The following TLE1 variants were observed in gnomAD, a reference collection of about 807,000 sequenced individuals.
TLE1 encodes transducin-like enhancer protein 1.
In TLE1, 21 loss-of-function variants were observed where a neutral mutation model predicts 89.8. The observed-to-expected ratio is 0.23, with a 90% CI of 0.17 to 0.34. TLE1 has a LOEUF of 0.34. Ranked by LOEUF, TLE1 falls within the 10% of genes least tolerant of loss-of-function variation. The pLI is 1.00. For synonymous variants in TLE1, 447 were observed against 407.6 expected (o/e 1.10, Z -1.16); for missense variants, 795 against 1,031.2 (o/e 0.77, Z 3.14).
rs1198002527 is a variant in TLE1, at chr9:81,687,392, G to C, written c.67C>G (p.Pro23Ala). The stretch of plus-strand genomic sequence containing the variant: ...TCTTTAATCCGGTCCAGGGACTCCG[G>C]GATAGTGAACTTGAAGGGCTGGCCT... ...AAGQPFKFTI[P>A]ESLDRIKEEF... Residue 23 changes from proline to alanine, a missense_variant, in exon 2 of 20, where the codon CCG (proline) becomes GCG (alanine). Pro to Ala is a conservative substitution (Grantham distance 27). This residue lies in a region of TLE1 where 47 missense variants were observed against 48.5 expected (regional missense o/e 0.97). Transcript: ENST00000376499. The C allele has an allele frequency of 1.2e-6, 2 of 1,611,340 alleles. No homozygotes were observed. Among genetic ancestry groups the C allele is most frequent in the African/African-American group, 1.3e-5 (1 of 74,910 alleles).
At chr9:81,609,471 T>G (rs1054366380) in intron 14 of TLE1, among the ~76,000 whole-genome samples, 4 of 152,176 alleles carry the variant, frequency 2.6e-5, no homozygotes, top group Admixed American at 2.6e-4. Context: ...TTTAAAAAAT[T>G]TGAGAACTTT....
intron 14 of TLE1, among the ~76,000 whole-genome samples, chr9:81,598,147 AC>A (rs1303637022): frequency 6.6e-6 from 1 of 152,094 alleles, no homozygotes; most frequent in East Asian, 1.9e-4. Flanking sequence ...CGTGTCAAAA[AC>A]CTTCATTCGC....
chr9:81,616,103 T>A lies in TLE1; in HGVS notation c.797A>T (p.His266Leu), dbSNP rs1317316111. 2 of 1,613,786 alleles carry A rather than the reference T, an allele frequency of 1.2e-6. No individual in the cohort carries two copies. Among genetic ancestry groups the A allele is most frequent in the Non-Finnish European group, 1.7e-6 (2 of 1,179,960 alleles). Residue 266 changes from histidine (H) to leucine (L), a missense_variant, in exon 11 of 20, where the codon CAC becomes CTC. This residue lies in a region of TLE1 where 468 missense variants were observed against 509.1 expected (regional missense o/e 0.92). Coordinates refer to ENST00000376499, the MANE Select transcript of TLE1 (RefSeq NM_005077.5). ...DPSSPRASPA[H>L]SPRENGIDKN... ...GTCGATTCCATTTTCCCGGGGCGAG[T>A]GGGCAGGGCTTGCTCGCGGAGAAGA... is the stretch of plus-strand genomic sequence containing the variant.
intron 5 of TLE1, among the ~76,000 whole-genome samples, 153 bp from the exon 6 acceptor site, chr9:81,652,441 A>C (rs775202869): frequency 7.9e-5 from 12 of 152,184 alleles, no homozygotes; most frequent in Non-Finnish European, 1.3e-4. Context: ...TTCACAGAAC[A>C]TAGATAGGGA....
chr9:81,685,533 A>T, intron 4 of TLE1, 143 bp downstream of exon 4: 1 of 712,480 alleles, frequency 1.4e-6, no homozygotes, highest in South Asian at 1.9e-5. Context: ...GAATACTACC[A>T]TCAATCCACA....
At chr9:81,659,172 T>G (rs1830482736) in intron 4 of TLE1, among the ~76,000 whole-genome samples, 1 of 152,144 alleles carries the variant, frequency 6.6e-6, no homozygotes, top group African/African-American at 2.4e-5. Context: ...CCTCCCAAAG[T>G]GGTGGGATTA....
intron 6 of TLE1, among the ~76,000 whole-genome samples, chr9:81,649,147 C>T (rs1829232449): frequency 1.3e-5 from 2 of 152,168 alleles, no homozygotes; most frequent in African/African-American, 4.8e-5. Context: ...AATAGTCTCT[C>T]CAGTATCAAA....
intron 14 of TLE1, chr9:81,599,837 A>C (rs1298925408): frequency 2.7e-6 from 1 of 374,810 alleles, no homozygotes; most frequent in African/African-American, 2.1e-5. Flanking sequence ...GAAAGTAGCA[A>C]ACTTCAAAGC....
rs1827064368 is a variant in TLE1, at chr9:81,634,146, G to C, written c.528C>G (p.His176Gln). 1 of 1,607,324 alleles carries C rather than the reference G, an allele frequency of 6.2e-7. No individual in the cohort carries two copies. Among genetic ancestry groups the C allele is most frequent in the Non-Finnish European group, 8.5e-7 (1 of 1,176,426 alleles). ...GCTTCTTGTCATCTTTTATTGCCAAGTGAGACTGCCCACTCAGAGCACTAG... is the reference window on the plus strand; with the variant it reads ...GCTTCTTGTCATCTTTTATTGCCAACTGAGACTGCCCACTCAGAGCACTAG... ...ALSSALSGQSHLAIKDDKKHH... is the reference protein window; with the variant it reads ...ALSSALSGQSQLAIKDDKKHH... The change falls in exon 7 of 20, where the codon CAC (histidine) becomes CAG (glutamine). Residue 176 changes from histidine to glutamine, a missense_variant. Coordinates refer to ENST00000376499, the MANE Select transcript of TLE1 (RefSeq NM_005077.5).
rs371936084 is a variant in TLE1 at position 81,662,361 on chromosome 9, T to TTGTGTGTGTGTGTG, written c.235-8339_235-8326dup. ...CGGTGTTAGTATTAGTGTGCCTGTT[T>TTGTGTGTGTGTGTG]TGTGTGTGTGTGTGTGTGTGTGTGT... is the stretch of plus-strand genomic sequence containing the variant. On this transcript the variant is annotated intron_variant, in intron 4 of 19. Transcript: ENST00000376499. 9.2e-3 allele frequency among the ~76,000 whole-genome samples: 1,267 copies of TTGTGTGTGTGTGTG among 138,420 alleles called. 9 individuals carry two copies. The highest frequency in any genetic ancestry group is 0.027 in the Middle Eastern group (7 of 264). 90.8% of individuals were successfully genotyped at this position (138,420 alleles called of 152,430 possible). A position where few individuals can be genotyped will look rare whatever the true frequency, so the allele number is the denominator to read the frequency against.
intron 4 of TLE1, among the ~76,000 whole-genome samples, chr9:81,678,364 C>T (rs1307647970): frequency 8.3e-6 from 1 of 120,270 alleles, no homozygotes; most frequent in Non-Finnish European, 1.7e-5. Context: ...CAGGTCTGTA[C>T]CACCAGGCCC....
chr9:81,632,532 A>G (rs115728682), intron 8 of TLE1, among the ~76,000 whole-genome samples: 2,445 of 145,956 alleles, frequency 0.017, 55 homozygotes, highest in African/African-American at 0.058. Flanking sequence ...TGCTATGTTC[A>G]GAAAGAAGGA....
rs111516638 is a variant in TLE1, at chr9:81,590,745, A to C, written c.1829+60T>G. Reference sequence around the variant, plus strand: ...GCTGCAGGCAGCCAGAGAGAAGCAGAGGTGATAGGCCCAGCTGCTAAAGAA... The same window carrying C: ...GCTGCAGGCAGCCAGAGAGAAGCAGCGGTGATAGGCCCAGCTGCTAAAGAA... On this transcript the variant is annotated intron_variant, in intron 16 of 19. Coordinates refer to ENST00000376499, the MANE Select transcript of TLE1 (RefSeq NM_005077.5). 31 of 1,577,978 alleles carry C rather than the reference A, an allele frequency of 2.0e-5. No individual in the cohort carries two copies. The African/African-American group carries it at 2.6e-4, about 13-fold the overall frequency.
At chr9:81,663,221 A>G (rs1268928148) in intron 4 of TLE1, among the ~76,000 whole-genome samples, 1 of 152,202 alleles carries the variant, frequency 6.6e-6, no homozygotes, top group African/African-American at 2.4e-5. Context: ...TGCGATCAAC[A>G]GTGGTGCTGA....
At chr9:81,673,062 C>T (rs1365715147) in intron 4 of TLE1, among the ~76,000 whole-genome samples, 1 of 151,760 alleles carries the variant, frequency 6.6e-6, no homozygotes, top group Non-Finnish European at 1.5e-5. Context: ...TACTTGAGGT[C>T]AGGAGTTTGT....
At chr9:81,586,008 G>A (rs951975267) in intron 17 of TLE1, among the ~76,000 whole-genome samples, 3 of 144,872 alleles carry the variant, frequency 2.1e-5, no homozygotes, top group Admixed American at 7.1e-5. Flanking sequence ...GAAATGTGTC[G>A]TTAGGTGACT....
chr9:81,627,947 G>A (rs752997358), intron 8 of TLE1, among the ~76,000 whole-genome samples: 5 of 152,060 alleles, frequency 3.3e-5, no homozygotes, highest in Non-Finnish European at 5.9e-5. Flanking sequence ...GGCTGGGTGC[G>A]GTGGCTCACG....
intron 19 of TLE1, 42 bp from the exon 20 acceptor site, chr9:81,584,347 C>G: frequency 6.2e-7 from 1 of 1,609,586 alleles, no homozygotes; most frequent in Non-Finnish European, 8.5e-7. Context: ...TGTGGAACAA[C>G]GGTACTCAGA....
In TLE1 at chr9:81,587,793, A is replaced by G. The variant is rs1828740760; in HGVS notation, c.1865T>C (p.Ile622Thr). ...CTTGGTGCCATCATTAGAAATGTCA[A>G]TACAGCTGGCTCCGTCTGTGTGGCC... ...FQGHTDGASC[I>T]DISNDGTKLW... The change falls in exon 17 of 20, where the codon ATT (isoleucine) becomes ACT (threonine). Residue 622 changes from isoleucine (I) to threonine (T), a missense_variant. Physicochemically the swap from Ile to Thr is moderately conservative, Grantham distance 89. Transcript: ENST00000376499. The G allele has an allele frequency of 1.2e-6, 2 of 1,614,032 alleles. No individual in the cohort carries two copies. Among genetic ancestry groups the G allele is most frequent in the Non-Finnish European group, 8.5e-7 (1 of 1,180,042 alleles).
Sources: gnomAD v4.1 joint callset for allele counts (sites outside exome capture counted in the v4.1 genomes callset) on GRCh38, gnomAD v4.1.1 for gene constraint, gnomAD v4.1.1 regional missense constraint, MANE v1.5 for transcripts, NCBI Gene and HGNC (gene_info 2026-07-23, HGNC 2026-07-21) for gene names.